TRIM37: variants seen among roughly 807,000 people sequenced by gnomAD.
The protein encoded by TRIM37 is tripartite motif containing 37.
In TRIM37, 80 loss-of-function variants were observed where a neutral mutation model predicts 129.8. That is an observed-to-expected ratio of 0.62 (90% CI 0.51 to 0.74). The LOEUF is 0.74. TRIM37 is among the 30% of genes least tolerant of loss of function. The pLI, the probability that TRIM37 is intolerant of heterozygous loss-of-function variation, is 0.00. For synonymous variants in TRIM37, 389 were observed against 387.1 expected, an observed-to-expected ratio of 1.00 and a Z score of -0.06; for missense variants, 1,054 against 1,176.5, an observed-to-expected ratio of 0.90 and a Z score of 1.52.
chr17:59,076,556 T>C (rs1468139031), intron 7 of TRIM37, among the ~76,000 whole-genome samples: 2 of 152,064 alleles, frequency 1.3e-5, no homozygotes, highest in African/African-American at 4.8e-5. Context: ...CTGTCTCAAA[T>C]TACAAACAAA....
downstream of TRIM37, among the ~76,000 whole-genome samples, chr17:58,995,992 C>T (rs1261884552): frequency 6.6e-6 from 1 of 151,800 alleles, no homozygotes; most frequent in African/African-American, 2.4e-5. Context: ...CAAAGCCAGA[C>T]CCTGTCTTCC....
At position 58,998,898 on chromosome 17, in the gene TRIM37, AAAGC is replaced by A. The variant is rs1231997475; in HGVS notation, c.*475_*478del. The A allele has an allele frequency of 9.8e-7, 1 of 1,016,720 alleles. No individual in the cohort carries two copies. Among genetic ancestry groups the A allele is most frequent in the East Asian group, 9.8e-5 (1 of 10,198 alleles). The allele number at this position is 1,016,720 out of a possible 1,614,324, so 63.0% of individuals were successfully genotyped here. ...GTGTCTACAGGGCAGAATCTCTTCC[AAAGC>A]AATTTTCTGTTCACTAATCTACAGG... On this transcript the variant is annotated 3_prime_UTR_variant, in exon 24 of 24. Transcript: ENST00000262294.
chr17:58,976,209 C>T, the TRIM37 span, among the ~76,000 whole-genome samples: 1 of 152,068 alleles, frequency 6.6e-6, no homozygotes, highest in Non-Finnish European at 1.5e-5. Flanking sequence ...GCAGCACAGG[C>T]TCACTGTTAG....
At chr17:59,079,050 CAAA>C (rs745652753) in intron 7 of TRIM37, among the ~76,000 whole-genome samples, 1 of 92,008 alleles carries the variant, frequency 1.1e-5, no homozygotes. Context: ...TCAAGATAGC[CAAA>C]AAAAAAAAAA....
Position 58,999,463 on chromosome 17 carries a change from T to C in TRIM37, c.2813-4A>G, listed in dbSNP as rs1443701615. ...TCAGGAAAACTGGAATGTGTATCTA[T>C]GATTAAAAAATAAATAAAAAATTTA... On this transcript the variant is annotated splice_region_variant and splice_polypyrimidine_tract_variant and intron_variant, in intron 23 of 23. Transcript: ENST00000262294. 1.2e-6 allele frequency: 2 copies of C among 1,603,882 alleles called. No homozygotes were observed. Among genetic ancestry groups the C allele is most frequent in the South Asian group, 2.3e-5 (2 of 88,480 alleles).
chr17:59,053,114 G>A (rs953551667), intron 13 of TRIM37, among the ~76,000 whole-genome samples: 1 of 152,106 alleles, frequency 6.6e-6, no homozygotes, highest in Non-Finnish European at 1.5e-5. Flanking sequence ...AAGTAAGACC[G>A]TCTAAACACT....
At chr17:58,971,909 C>T in the TRIM37 span, among the ~76,000 whole-genome samples, 6 of 152,186 alleles carry the variant, frequency 3.9e-5, no homozygotes, top group African/African-American at 1.2e-4. Context: ...TAATCATCCT[C>T]GCCCTGCATA....
At chr17:59,084,202 A>C in intron 4 of TRIM37, 113 bp from the exon 5 acceptor site, 1 of 824,306 alleles carries the variant, frequency 1.2e-6, no homozygotes, top group African/African-American at 1.7e-5. Flanking sequence ...ATCTCAAGAA[A>C]CACAGTATAA....
intron 17 of TRIM37, among the ~76,000 whole-genome samples, chr17:59,038,304 T>C (rs963605939): frequency 6.6e-6 from 1 of 152,186 alleles, no homozygotes; most frequent in Non-Finnish European, 1.5e-5. Context: ...TTCTAGCTAA[T>C]TGTTCATAAA....
intron 19 of TRIM37, among the ~76,000 whole-genome samples, chr17:59,024,703 T>A (rs1368482255): frequency 1.3e-5 from 2 of 152,156 alleles, no homozygotes; most frequent in Non-Finnish European, 1.5e-5. Flanking sequence ...ATCAAAAAAA[T>A]TTATTTTTGT....
At chr17:59,056,283 G>A (rs938183987) in intron 13 of TRIM37, among the ~76,000 whole-genome samples, 1 of 151,302 alleles carries the variant, frequency 6.6e-6, no homozygotes, top group African/African-American at 2.4e-5. Flanking sequence ...GGCCCAAGCC[G>A]TCCTCCCATC....
At chr17:59,102,873 A>T (rs35104446) in intron 2 of TRIM37, among the ~76,000 whole-genome samples, 9 of 151,940 alleles carry the variant, frequency 5.9e-5, no homozygotes, top group African/African-American at 2.2e-4. Flanking sequence ...ATAAGGAAAC[A>T]GAAATTTTTT....
At chr17:59,041,353 C>CTAAG (rs2048270888) in intron 17 of TRIM37, among the ~76,000 whole-genome samples, 1 of 152,088 alleles carries the variant, frequency 6.6e-6, no homozygotes, top group African/African-American at 2.4e-5. Context: ...TCTTTAAGAT[C>CTAAG]CTTCGTAAGT....
chr17:59,046,870 A>G (rs1246734813), intron 16 of TRIM37, among the ~76,000 whole-genome samples: 2 of 148,828 alleles, frequency 1.3e-5, no homozygotes, highest in African/African-American at 2.5e-5. Context: ...AGTAACCCAG[A>G]TTGGCCAGGT....
chr17:58,971,447 G>A, the TRIM37 span, among the ~76,000 whole-genome samples: 1 of 152,144 alleles, frequency 6.6e-6, no homozygotes, highest in South Asian at 2.1e-4. Flanking sequence ...CGTATAGTAG[G>A]ACCAAGAGCT....
chr17:59,049,196 A>C lies in TRIM37; in HGVS notation c.1512T>G (p.Ile504Met). ...AKEDEEDEEKIQNEDYHHELS... is the reference protein window; with the variant it reads ...AKEDEEDEEKMQNEDYHHELS... ...TTATTACATGATAATCTTCATTCTGAATCTTCTCCTCATCTTCTTCATCCT... is the reference window on the plus strand; with the variant it reads ...TTATTACATGATAATCTTCATTCTGCATCTTCTCCTCATCTTCTTCATCCT... The change falls in exon 15 of 24, where the codon ATT (isoleucine) becomes ATG (methionine). Residue 504 changes from isoleucine (I) to methionine (M), a missense_variant. Physicochemically the swap from Ile to Met is conservative, Grantham distance 10. This residue lies in a region of TRIM37 where 752 missense variants were observed against 870.8 expected (regional missense o/e 0.86). Coordinates refer to ENST00000262294, the MANE Select transcript of TRIM37 (RefSeq NM_015294.6). 1 of 1,614,032 alleles carries C rather than the reference A, an allele frequency of 6.2e-7. No homozygotes were observed. Among genetic ancestry groups the C allele is most frequent in the Non-Finnish European group, 8.5e-7 (1 of 1,179,946 alleles).
chr17:58,974,366 T>C, the TRIM37 span, among the ~76,000 whole-genome samples: 1 of 152,194 alleles, frequency 6.6e-6, no homozygotes, highest in Non-Finnish European at 1.5e-5. Flanking sequence ...ACCTGTCAGA[T>C]AACCCTGGAG....
intron 19 of TRIM37, among the ~76,000 whole-genome samples, chr17:59,024,913 T>C (rs2037059774): frequency 6.6e-6 from 1 of 152,180 alleles, no homozygotes; most frequent in South Asian, 2.1e-4. Context: ...AATAACATTT[T>C]GAAAACCAAG....
chr17:59,089,578 T>C (rs1599490585), intron 3 of TRIM37, among the ~76,000 whole-genome samples: 1 of 150,924 alleles, frequency 6.6e-6, no homozygotes, highest in Non-Finnish European at 1.5e-5. Flanking sequence ...GAGTCAGAGG[T>C]TGCAGTGAGC....
Sources: gnomAD v4.1 joint callset for allele counts (sites outside exome capture counted in the v4.1 genomes callset) on GRCh38, gnomAD v4.1.1 for gene constraint, gnomAD v4.1.1 regional missense constraint, MANE v1.5 for transcripts, NCBI Gene and HGNC (gene_info 2026-07-23, HGNC 2026-07-21) for gene names.